Variants in ABCC3 observed in about 807,000 individuals in gnomAD.
ABCC3 encodes ATP binding cassette subfamily C member 3.
ABCC3 carries 121 observed loss-of-function variants against 165.3 expected under a neutral mutation model. That is an observed-to-expected ratio of 0.73 (90% CI 0.63 to 0.85). The LOEUF (loss-of-function observed/expected upper bound fraction) is 0.85. ABCC3 is among the 40% of genes least tolerant of loss of function. The pLI is 0.00. For missense variants in ABCC3, 1,869 were observed against 1,964.1 expected (o/e 0.95, Z 0.92); for synonymous variants, 733 against 810.1 (o/e 0.90, Z 1.62).
chr17:50,673,236 T>TG lies in ABCC3; in HGVS notation c.2409+104dup, dbSNP rs555615214. 8.8e-5 allele frequency: 130 copies of TG among 1,479,290 alleles called. No homozygotes were observed. The African/African-American group carries it at 1.5e-3, about 18-fold the overall frequency. The allele number at this position is 1,479,290 out of a possible 1,614,324, so 91.6% of individuals were successfully genotyped here. A position where few individuals can be genotyped will look rare whatever the true frequency, so the allele number is the denominator to read the frequency against. The stretch of plus-strand genomic sequence containing the variant: ...GGGGTTTGGATGAGACTTGGAGGTG[T>TG]GGGGGGCGCAAGAAGTGGGCATGTG... On this transcript the variant is annotated intron_variant, in intron 18 of 30. Transcript: ENST00000285238.
rs1170775282 is a variant in ABCC3 at position 50,675,453 on chromosome 17, T to C, written c.2691T>C (p.Tyr897=). The C allele has an allele frequency of 4.3e-6, 7 of 1,613,784 alleles. No individual in the cohort carries two copies. In the African/African-American group the frequency reaches 8.0e-5, roughly 18 times the overall value. The part of the protein sequence containing the change: ...TDLTDNDPVT[Y]VVQKQFMRQL... ...TGACAGACAATGATCCAGTCACCTA[T>C]GTGGTCCAGAAGCAGTTTATGAGGT... Residue 897 remains tyrosine, a synonymous_variant, in exon 20 of 31, where the codon TAT becomes TAC. Transcript: ENST00000285238.
chr17:50,642,720 G>A (rs1433056701), intron 1 of ABCC3, among the ~76,000 whole-genome samples: 2 of 152,186 alleles, frequency 1.3e-5, no homozygotes, highest in Non-Finnish European at 2.9e-5. Context: ...CTCCGCATCG[G>A]GGTTGGGTTC....
chr17:50,661,391 G>T (rs915764326), intron 8 of ABCC3, among the ~76,000 whole-genome samples: 1 of 152,246 alleles, frequency 6.6e-6, no homozygotes, highest in African/African-American at 2.4e-5. Context: ...ATCCTATGCG[G>T]AATTGCCCCA....
chr17:50,668,734 T>G (rs887853395), intron 14 of ABCC3, 119 bp from the exon 15 acceptor site: 4 of 875,076 alleles, frequency 4.6e-6, no homozygotes, highest in Non-Finnish European at 7.4e-6. Context: ...TTCCCAAGGA[T>G]CCCCTCCCCA....
In ABCC3 at chr17:50,676,314, C is replaced by T. The variant is rs558924597; in HGVS notation, c.3104C>T (p.Ala1035Val). The T allele has an allele frequency of 2.2e-5, 35 of 1,613,702 alleles. No homozygotes were observed. Among genetic ancestry groups the T allele is most frequent in the African/African-American group, 5.3e-5 (4 of 75,034 alleles). ...LVMLAAMAMA[A>V]GGIQAARVLH... ...ATGCTGGCAGCCATGGCCATGGCAG[C>T]GGGTGGCATCCAGGCTGCCCGTGTG... is the stretch of plus-strand genomic sequence containing the variant. The change falls in exon 23 of 31, where the codon GCG becomes GTG. Residue 1035 changes from alanine to valine, a missense_variant. Physicochemically the swap from Ala to Val is moderately conservative, Grantham distance 64. Transcript: ENST00000285238.
At chr17:50,676,885 TTGGGGG>T (rs1567836982) in intron 23 of ABCC3, among the ~76,000 whole-genome samples, 3 of 99,390 alleles carry the variant, frequency 3.0e-5, no homozygotes, top group African/African-American at 1.2e-4. Context: ...CTTTTTTTTT[TTGGGGG>T]GGGGGGGACG....
chr17:50,646,081 G>C (rs528293137), intron 1 of ABCC3, among the ~76,000 whole-genome samples: 18 of 152,270 alleles, frequency 1.2e-4, no homozygotes, highest in Admixed American at 5.2e-4. Context: ...ATGTCAAAAG[G>C]TGATAGGTGT....
At chr17:50,643,671 C>T (rs1204467198) in intron 1 of ABCC3, 1 of 455,826 alleles carries the variant, frequency 2.2e-6, no homozygotes, top group Admixed American at 2.4e-5. Flanking sequence ...GGTGGGTTTT[C>T]AGCCAGGCCT....
In ABCC3 at chr17:50,658,097, C is replaced by A; in HGVS notation, c.502C>A (p.Pro168Thr). 6.2e-7 allele frequency: 1 copy of A among 1,614,150 alleles called. No individual in the cohort carries two copies. The highest frequency in any genetic ancestry group is 8.5e-7 in the Non-Finnish European group (1 of 1,179,988). Residue 168 changes from proline (P) to threonine (T), a missense_variant, in exon 5 of 31, where the codon CCC becomes ACC. Transcript: ENST00000285238. ...LAKAEGEISD[P>T]FRFTTFYIHF... ...TCCCACCCAGGGTGAGATCTCAGAC[C>A]CCTTCCGCTTCACCACCTTCTACAT...
chr17:50,683,883 G>T, intron 27 of ABCC3, 66 bp from the exon 28 acceptor site: 2 of 1,574,680 alleles, frequency 1.3e-6, no homozygotes. Flanking sequence ...GCCTCCAGGA[G>T]AGTCCTGGAG....
At chr17:50,677,713 C>G in intron 23 of ABCC3, 31 bp from the exon 24 acceptor site, 3 of 1,605,040 alleles carry the variant, frequency 1.9e-6, no homozygotes, top group Non-Finnish European at 2.6e-6. Context: ...GTTCCATGGC[C>G]CTGACCCCAA....
chr17:50,683,341 C>G (rs1254800106), intron 26 of ABCC3, among the ~76,000 whole-genome samples: 1 of 143,852 alleles, frequency 7.0e-6, no homozygotes, highest in African/African-American at 2.6e-5. Flanking sequence ...GACCCTGTCT[C>G]TCAAAAATTA....
In ABCC3 at chr17:50,673,956, C is replaced by G. The variant is rs1283094810; in HGVS notation, c.2599+298C>G. On this transcript the variant is annotated intron_variant, in intron 19 of 30. Coordinates refer to ENST00000285238, the MANE Select transcript of ABCC3 (RefSeq NM_003786.4). ...TCTTTCTTTCTTTCTTTCTTTCTTT[C>G]TTTCTTTCTTTCTTTCTTTCTTTCT... is the stretch of plus-strand genomic sequence containing the variant. Among the ~76,000 whole-genome samples, 5 of 17,366 alleles carry G rather than the reference C, an allele frequency of 2.9e-4. 1 individual carries two copies. In the South Asian group the frequency reaches 0.013, roughly 43 times the overall value. 11.4% of individuals were successfully genotyped at this position (17,366 alleles called of 152,430 possible).
In ABCC3 at chr17:50,664,012, G is replaced by A. The variant is rs141526604; in HGVS notation, c.1239G>A (p.Met413Ile). 2.4e-5 allele frequency: 39 copies of A among 1,614,136 alleles called. No homozygotes were observed. Among genetic ancestry groups the A allele is most frequent in the Non-Finnish European group, 3.2e-5 (38 of 1,179,988 alleles). Residue 413 changes from methionine to isoleucine, a missense_variant, in exon 10 of 31, where the codon ATG (methionine) becomes ATA (isoleucine). Coordinates refer to ENST00000285238, the MANE Select transcript of ABCC3 (RefSeq NM_003786.4). The stretch of plus-strand genomic sequence containing the variant: ...CTGTGGGGGAAATTGTCAACCTCAT[G>A]TCAGTGGATGCCCAGCGCTTCATGG... ...ASTVGEIVNL[M>I]SVDAQRFMDL...
At chr17:50,641,733 T>C (rs192223807) in intron 1 of ABCC3, among the ~76,000 whole-genome samples, 1 of 152,184 alleles carries the variant, frequency 6.6e-6, no homozygotes, top group East Asian at 1.9e-4. Context: ...TATACTCTAG[T>C]GGGAAGAGGC....
At chr17:50,635,819 A>G (rs9303560) in intron 1 of ABCC3, 336,821 of 552,248 alleles carry the variant, frequency 0.61, 104,777 homozygotes, top group East Asian at 0.89. Context: ...GGAGTTTTAG[A>G]TTACTGTGAG....
intron 30 of ABCC3, among the ~76,000 whole-genome samples, chr17:50,690,853 C>T (rs1018496514): frequency 7.9e-5 from 12 of 152,218 alleles, no homozygotes; most frequent in East Asian, 1.9e-4. Flanking sequence ...TTTTCAGAGC[C>T]CTGACTAGCA....
intron 1 of ABCC3, among the ~76,000 whole-genome samples, chr17:50,649,835 T>C (rs918424805): frequency 2.6e-5 from 4 of 152,332 alleles, no homozygotes; most frequent in African/African-American, 7.2e-5. Context: ...TAGCCGTTCA[T>C]TAAATGACTT....
At chr17:50,668,385 G>T in intron 13 of ABCC3, 45 bp from the exon 14 acceptor site, 1 of 1,556,502 alleles carries the variant, frequency 6.4e-7, no homozygotes, top group Non-Finnish European at 8.9e-7. Flanking sequence ...GGGGTTGGGG[G>T]TTGGGAAAGT....
Sources: gnomAD v4.1 joint callset for allele counts (sites outside exome capture counted in the v4.1 genomes callset) on GRCh38, gnomAD v4.1.1 for gene constraint, MANE v1.5 for transcripts, NCBI Gene and HGNC (gene_info 2026-07-23, HGNC 2026-07-21) for gene names.